GANC: variants seen among roughly 807,000 people sequenced by gnomAD.
The protein encoded by GANC is neutral alpha-glucosidase C.
Under a neutral mutation model 124.2 loss-of-function variants are expected in GANC, and 117 were observed. The observed-to-expected ratio is 0.94, with a 90% CI of 0.81 to 1.10. The LOEUF (loss-of-function observed/expected upper bound fraction) is 1.10. Among genes scored for constraint, GANC ranks in the 50% least tolerant of loss-of-function variants. The pLI is 0.00. For synonymous variants in GANC, 377 were observed against 376.8 expected (o/e 1.00, Z -0.01); for missense variants, 1,140 against 1,095.0 (o/e 1.04, Z -0.58).
chr15:42,305,006 C>T (rs1326024846), intron 6 of GANC, among the ~76,000 whole-genome samples: 1 of 150,966 alleles, frequency 6.6e-6, no homozygotes. Flanking sequence ...CCTTAAAAAC[C>T]CTAGAAGAAA....
Position 42,352,074 on chromosome 15 carries a change from T to C in GANC, c.2680T>C (p.Ser894Pro), listed in dbSNP as rs1329455894. Residue 894 changes from serine to proline, a missense_variant, in exon 24 of 24, where the codon TCC becomes CCC. Coordinates refer to ENST00000318010, the MANE Select transcript of GANC (RefSeq NM_198141.3). ...PVAFTYCAKT[S>P]ILSLEKLSLN... is the part of the protein sequence containing the mutation. The stretch of plus-strand genomic sequence containing the variant: ...GGCTTTTACGTATTGTGCCAAAACA[T>C]CCATCCTGAGCCTGGAGAAGCTCTC... 6.2e-7 allele frequency: 1 copy of C among 1,614,168 alleles called. No homozygotes were observed. The highest frequency in any genetic ancestry group is 8.5e-7 in the Non-Finnish European group (1 of 1,180,014).
intron 19 of GANC, among the ~76,000 whole-genome samples, chr15:42,345,383 A>G (rs1431957794): frequency 6.6e-6 from 1 of 150,864 alleles, no homozygotes; most frequent in Non-Finnish European, 1.5e-5. Context: ...CACCTCTTTC[A>G]CTACTAGAAG....
intron 15 of GANC, among the ~76,000 whole-genome samples, chr15:42,331,898 CTAAG>C (rs2052248755): frequency 6.6e-6 from 1 of 151,608 alleles, no homozygotes; most frequent in Non-Finnish European, 1.5e-5. Context: ...AAAGGAACAC[CTAAG>C]TGTTTATAAT....
intron 3 of GANC, among the ~76,000 whole-genome samples, chr15:42,279,601 GACTGTGC>G (rs754630289): frequency 3.0e-4 from 45 of 152,210 alleles, no homozygotes; most frequent in Non-Finnish European, 5.0e-4. Context: ...TAGGAAGTGT[GACTGTGC>G]ACTACTGCCT....
intron 5 of GANC, among the ~76,000 whole-genome samples, chr15:42,296,123 CAA>C (rs1441524735): frequency 4.0e-5 from 5 of 125,714 alleles, no homozygotes; most frequent in South Asian, 2.5e-4. Flanking sequence ...GGCGGGGCGA[CAA>C]GAGCAAAACT....
intron 1 of GANC, among the ~76,000 whole-genome samples, chr15:42,275,337 TCACTC>T (rs1331277719): frequency 1.3e-5 from 2 of 152,176 alleles, no homozygotes; most frequent in Admixed American, 6.5e-5. Context: ...TCGTGCCACT[TCACTC>T]CAACGTAGGA....
chr15:42,278,689 C>T lies in GANC; in HGVS notation c.201+99C>T, dbSNP rs2051701217. 7.4e-6 allele frequency: 6 copies of T among 810,288 alleles called. No homozygotes were observed. The South Asian group carries it at 9.1e-5, about 12-fold the overall frequency. The allele number at this position is 810,288 out of a possible 1,614,324, so 50.2% of individuals were successfully genotyped here. ...CTATGTATGCTTCAAAAATAAACCT[C>T]GTTAGAAAAGGAATATCAGCCTTTT... On this transcript the variant is annotated intron_variant, in intron 3 of 23. Coordinates refer to ENST00000318010, the MANE Select transcript of GANC (RefSeq NM_198141.3).
intron 4 of GANC, among the ~76,000 whole-genome samples, chr15:42,289,620 A>G (rs931907747): frequency 6.6e-6 from 1 of 152,054 alleles, no homozygotes; most frequent in Non-Finnish European, 1.5e-5. Context: ...ATTATAAATG[A>G]ATATAAGCAA....
At chr15:42,285,737 G>C (rs1405312726) in intron 3 of GANC, among the ~76,000 whole-genome samples, 1 of 152,232 alleles carries the variant, frequency 6.6e-6, no homozygotes, top group Non-Finnish European at 1.5e-5. Context: ...GGAGGTTGCA[G>C]TGAGCCAAGA....
rs545183599 is a variant in GANC at position 42,276,296 on chromosome 15, G to A, written c.30-52G>A. 1.8e-5 allele frequency: 15 copies of A among 848,046 alleles called. No individual in the cohort carries two copies. In the African/African-American group the frequency reaches 2.5e-4, roughly 14 times the overall value. The allele number at this position is 848,046 out of a possible 1,614,324, so 52.5% of individuals were successfully genotyped here. ...TGTCGTTAGAGAAGGTACAAAAGTT[G>A]GATTCACAAGCCCTGTGTGAAATAA... is the stretch of plus-strand genomic sequence containing the variant. On this transcript the variant is annotated intron_variant, in intron 1 of 23. Coordinates refer to ENST00000318010, the MANE Select transcript of GANC (RefSeq NM_198141.3).
rs778531016 is a variant in GANC at position 42,276,373 on chromosome 15, A to G, written c.55A>G (p.Asn19Asp). The G allele has an allele frequency of 2.1e-6, 3 of 1,460,136 alleles. No homozygotes were observed. The highest frequency in any genetic ancestry group is 2.9e-6 in the Non-Finnish European group (3 of 1,042,672). 90.4% of individuals were successfully genotyped at this position (1,460,136 alleles called of 1,614,324 possible). Residue 19 changes from asparagine (N) to aspartate (D), a missense_variant, in exon 2 of 24, where the codon AAC becomes GAC. Transcript: ENST00000318010. ...ISLEDEAVDK[N>D]IFRDCNKIAF... ...TCTTGAAGATGAAGCTGTAGATAAAAACATTTTCAGAGACTGTAACAAGAT... is the reference window on the plus strand; with the variant it reads ...TCTTGAAGATGAAGCTGTAGATAAAGACATTTTCAGAGACTGTAACAAGAT...
At chr15:42,282,163 TAAC>T (rs2051740361) in intron 3 of GANC, among the ~76,000 whole-genome samples, 1 of 151,812 alleles carries the variant, frequency 6.6e-6, no homozygotes, top group East Asian at 1.9e-4. Flanking sequence ...CTACTAAAAA[TAAC>T]AAAAATTAGC....
At chr15:42,335,905 A>C (rs2052279572) in intron 15 of GANC, among the ~76,000 whole-genome samples, 1 of 152,154 alleles carries the variant, frequency 6.6e-6, no homozygotes, top group African/African-American at 2.4e-5. Context: ...GAATACAGCT[A>C]ACCAGCGAGG....
chr15:42,347,170 C>G (rs367789183), intron 20 of GANC, among the ~76,000 whole-genome samples: 1 of 121,812 alleles, frequency 8.2e-6, no homozygotes, highest in East Asian at 2.4e-4. Context: ...TGGCCTTGTT[C>G]TTTGAAAAAA....
intron 6 of GANC, among the ~76,000 whole-genome samples, chr15:42,298,327 C>T (rs1457591006): frequency 2.0e-5 from 3 of 152,126 alleles, no homozygotes; most frequent in African/African-American, 4.8e-5. Flanking sequence ...TAGAAAGACA[C>T]GCAGGGCAGT....
intron 15 of GANC, among the ~76,000 whole-genome samples, chr15:42,332,076 C>G (rs2052250503): frequency 6.6e-6 from 1 of 151,954 alleles, no homozygotes; most frequent in African/African-American, 2.4e-5. Flanking sequence ...TCTCTTTTAG[C>G]TTTTTTAAAA....
In GANC at chr15:42,321,931, A is replaced by C. The variant is rs749319148; in HGVS notation, c.1204A>C (p.Thr402Pro). The change falls in exon 11 of 24, where the codon ACT becomes CCT. Residue 402 changes from threonine (T) to proline (P), a missense_variant. By Grantham distance (38) the Thr-to-Pro change is conservative (BLOSUM62 -1). Transcript: ENST00000318010. The part of the protein sequence containing the change: ...YDAMWLDIEH[T>P]EGKRYFTWDK... Reference sequence around the variant, plus strand: ...TGCCATGTGGCTGGACATAGAGCACACTGAGGGCAAGAGGTACTTCACCTG... The same window carrying C: ...TGCCATGTGGCTGGACATAGAGCACCCTGAGGGCAAGAGGTACTTCACCTG... 1.2e-6 allele frequency: 2 copies of C among 1,614,202 alleles called. No individual in the cohort carries two copies. The highest frequency in any genetic ancestry group is 1.7e-5 in the Admixed American group (1 of 60,024).
chr15:42,283,309 A>G (rs1014962656), intron 3 of GANC, among the ~76,000 whole-genome samples: 2 of 152,224 alleles, frequency 1.3e-5, no homozygotes, highest in Admixed American at 1.3e-4. Context: ...ATATTTAGTA[A>G]AGAAGTTTCC....
At chr15:42,283,080 G>A (rs1401992429) in intron 3 of GANC, among the ~76,000 whole-genome samples, 2 of 152,168 alleles carry the variant, frequency 1.3e-5, no homozygotes, top group Non-Finnish European at 2.9e-5. Context: ...GCTTTAATAG[G>A]AAACTTTGGG....
Sources: gnomAD v4.1 joint callset for allele counts (sites outside exome capture counted in the v4.1 genomes callset) on GRCh38, gnomAD v4.1.1 for gene constraint, MANE v1.5 for transcripts, NCBI Gene and HGNC (gene_info 2026-07-23, HGNC 2026-07-21) for gene names.